The following TCF20 variants were observed in gnomAD, a reference collection of about 807,000 sequenced individuals.
TCF20 encodes the protein transcription factor 20, also known as SPRE-binding protein.
TCF20 carries 3 observed loss-of-function variants against 148.6 expected under a neutral mutation model. The ratio of observed to expected loss-of-function variants is 0.02; its 90% CI spans 0.01 to 0.05. The LOEUF (loss-of-function observed/expected upper bound fraction) is 0.05, where lower values mean the gene tolerates loss of function less well. TCF20 is among the 10% of genes least tolerant of loss of function. The probability of loss-of-function intolerance (pLI) is 1.00; values close to 1 mark genes in which losing one functional copy is unlikely to be tolerated. For synonymous variants in TCF20, 1,049 were observed against 909.5 expected, an observed-to-expected ratio of 1.15 and a Z score of -2.76; for missense variants, 2,350 against 2,429.3, an observed-to-expected ratio of 0.97 and a Z score of 0.69.
At chr22:42,328,106 G>C (rs1279759403) in intron 1 of TCF20, among the ~76,000 whole-genome samples, 1 of 152,068 alleles carries the variant, frequency 6.6e-6, no homozygotes, top group African/African-American at 2.4e-5. Context: ...TTGGGTCAGG[G>C]CTTGTCTTCT....
At chr22:42,301,957 G>A (rs748313317) in intron 1 of TCF20, among the ~76,000 whole-genome samples, 17 of 152,324 alleles carry the variant, frequency 1.1e-4, no homozygotes, top group Middle Eastern at 6.8e-3. Flanking sequence ...ACAGCTGGAC[G>A]ACCTCAGGCA....
rs1569209905 is a variant in TCF20 at position 42,324,119 on chromosome 22, T to TGGA, written c.-37+19359_-37+19360insTCC. Among the ~76,000 whole-genome samples the TGGA allele has an allele frequency of 7.2e-3, 8 of 1,118 alleles. 2 individuals carry two copies. Among genetic ancestry groups the TGGA allele is most frequent in the Non-Finnish European group, 0.013 (5 of 380 alleles). 0.7% of individuals were successfully genotyped at this position (1,118 alleles called of 152,430 possible). On this transcript the variant is annotated intron_variant, in intron 1 of 1. Coordinates refer to the TCF20 transcript ENST00000515426. ...GAGGTTATGGTGGTGGTGGTGGTGG[T>TGGA]GGTTATGGTGGTGGTGGTGGTGGTG... is the stretch of plus-strand genomic sequence containing the variant.
chr22:42,328,980 C>T (rs1286451995), intron 1 of TCF20, among the ~76,000 whole-genome samples: 1 of 152,228 alleles, frequency 6.6e-6, no homozygotes, highest in Non-Finnish European at 1.5e-5. Context: ...AGGCCCAGGC[C>T]GGCTGGAGCC....
chr22:42,319,791 G>A (rs1040425084), intron 1 of TCF20, among the ~76,000 whole-genome samples: 3 of 152,166 alleles, frequency 2.0e-5, no homozygotes, highest in Non-Finnish European at 4.4e-5. Flanking sequence ...GTGGACAGGC[G>A]AGGAGGCCGG....
At chr22:42,248,711 A>C (rs913781464) in intron 1 of TCF20, among the ~76,000 whole-genome samples, 1 of 152,208 alleles carries the variant, frequency 6.6e-6, no homozygotes, top group Non-Finnish European at 1.5e-5. Flanking sequence ...TTAAAATCCC[A>C]AATGATGAAA....
At chr22:42,281,410 C>T (rs935805448) in intron 1 of TCF20, among the ~76,000 whole-genome samples, 3 of 152,218 alleles carry the variant, frequency 2.0e-5, no homozygotes, top group Non-Finnish European at 4.4e-5. Flanking sequence ...TCCCTTCCTC[C>T]ACAAGTGGCT....
In TCF20 at chr22:42,210,563, C is replaced by A. The variant is rs761776619; in HGVS notation, c.4743G>T (p.Arg1581Ser). Residue 1581 changes from arginine (R) to serine (S), a missense_variant, in exon 2 of 6, where the codon AGG becomes AGT. Transcript: ENST00000677622. This position sits in a 1 kb window ranked among gnomAD's most constrained non-coding sequence, Gnocchi z 4.7. ...CAGGCTTCCTTCTCTCCCTCCTTTG[C>A]CTCTGTTTTTTTGGCTTTGGCTCTC... ...ADGEPKPKKQRQRRERRKPGA... is the reference protein window; with the variant it reads ...ADGEPKPKKQSQRRERRKPGA... 3.1e-6 allele frequency: 5 copies of A among 1,614,136 alleles called. No homozygotes were observed. The Admixed American group carries it at 8.3e-5, about 27-fold the overall frequency.
intron 1 of TCF20, among the ~76,000 whole-genome samples, chr22:42,250,248 G>C (rs1408560665): frequency 6.6e-6 from 1 of 151,704 alleles, no homozygotes; most frequent in African/African-American, 2.4e-5. Flanking sequence ...AGGCCAGCCT[G>C]GCCAATACGG....
intron 3 of TCF20, among the ~76,000 whole-genome samples, chr22:42,178,585 CTTT>C (rs71184870): frequency 8.9e-5 from 7 of 78,426 alleles, no homozygotes; most frequent in African/African-American, 2.5e-4. Context: ...ACAAATAATT[CTTT>C]TTTTTTTTTT....
chr22:42,188,179 A>C (rs2147119430), intron 2 of TCF20, among the ~76,000 whole-genome samples: 1 of 150,714 alleles, frequency 6.6e-6, no homozygotes, highest in African/African-American at 2.4e-5. Flanking sequence ...CTGTAATCCC[A>C]GCTACTCGGG....
At chr22:42,318,652 G>A (rs547843126) in intron 1 of TCF20, among the ~76,000 whole-genome samples, 33 of 152,112 alleles carry the variant, frequency 2.2e-4, no homozygotes, top group Non-Finnish European at 4.7e-4. Context: ...CAGGGACCAC[G>A]AGTGAGGGAT....
intron 1 of TCF20, among the ~76,000 whole-genome samples, chr22:42,331,424 G>C (rs1298514114): frequency 6.6e-6 from 1 of 152,328 alleles, no homozygotes; most frequent in South Asian, 2.1e-4. Context: ...TATAGCCCAC[G>C]AGAGAAAGTG....
At chr22:42,245,631 C>T (rs1196496196) in intron 1 of TCF20, among the ~76,000 whole-genome samples, 1 of 152,178 alleles carries the variant, frequency 6.6e-6, no homozygotes, top group African/African-American at 2.4e-5. Context: ...CACCCTAAGA[C>T]AGCTTCCTCC....
rs1436103436 is a variant in TCF20, at chr22:42,204,999, C to A, written c.5655+4652G>T. Among the ~76,000 whole-genome samples, 7 of 152,298 alleles carry A rather than the reference C, an allele frequency of 4.6e-5. No individual in the cohort carries two copies. The East Asian group carries it at 1.3e-3, about 29-fold the overall frequency. The stretch of plus-strand genomic sequence containing the variant: ...GGGAACAAGCAAAGACTCCCCGACT[C>A]CCCCACTAGTAGGGCTATCCAGCCT... On this transcript the variant is annotated intron_variant, in intron 2 of 5. Transcript: ENST00000677622.
intron 1 of TCF20, among the ~76,000 whole-genome samples, chr22:42,308,249 C>T (rs1927470638): frequency 6.6e-6 from 1 of 152,134 alleles, no homozygotes; most frequent in African/African-American, 2.4e-5. Context: ...CCACCTGACC[C>T]TCAACCCCTT....
intron 1 of TCF20, among the ~76,000 whole-genome samples, chr22:42,239,994 A>C (rs1924252909): frequency 1.3e-5 from 2 of 152,202 alleles, no homozygotes; most frequent in Non-Finnish European, 2.9e-5. Context: ...ATAAAGTAGA[A>C]TGCAATAAAA....
At chr22:42,303,861 TGGAGAGGAGG>T (rs1025383732) in intron 1 of TCF20, among the ~76,000 whole-genome samples, 5 of 103,128 alleles carry the variant, frequency 4.8e-5, no homozygotes, top group African/African-American at 1.9e-4. Context: ...GAGGGGAATG[TGGAGAGGAGG>T]GGAGCGGGGA....
In TCF20 at chr22:42,175,390, G is replaced by C. The variant is rs143460619; in HGVS notation, c.5749+4219C>G. ...AGAGTCTCGCTCTGTTGCCAGGCTGGAGTGCAGTGGCGTGATCTCAGCTCA... is the reference window on the plus strand; with the variant it reads ...AGAGTCTCGCTCTGTTGCCAGGCTGCAGTGCAGTGGCGTGATCTCAGCTCA... On this transcript the variant is annotated intron_variant, in intron 3 of 5. Transcript: ENST00000677622. Among the ~76,000 whole-genome samples, 16 of 152,174 alleles carry C rather than the reference G, an allele frequency of 1.1e-4. No individual in the cohort carries two copies. The East Asian group carries it at 3.1e-3, about 29-fold the overall frequency.
chr22:42,288,891 G>A (rs1014720086), upstream of TCF20, among the ~76,000 whole-genome samples: 1 of 152,176 alleles, frequency 6.6e-6, no homozygotes, highest in Non-Finnish European at 1.5e-5. Context: ...GGCCTGGGCT[G>A]GCTCCAAAGA....
Sources: gnomAD v4.1 joint callset for allele counts (sites outside exome capture counted in the v4.1 genomes callset) on GRCh38, gnomAD v4.1.1 for gene constraint, Gnocchi (gnomAD v3.1) non-coding constraint, MANE v1.5 for transcripts, NCBI Gene and HGNC (gene_info 2026-07-23, HGNC 2026-07-21) for gene names.